The following PPP4R4 variants were observed in gnomAD, a reference collection of about 807,000 sequenced individuals.
The protein encoded by PPP4R4 is serine/threonine-protein phosphatase 4 regulatory subunit 4.
Under a neutral mutation model 121.8 loss-of-function variants are expected in PPP4R4, and 70 were observed. That is an observed-to-expected ratio of 0.57 (90% CI 0.47 to 0.70). The LOEUF is 0.70. Among genes scored for constraint, PPP4R4 ranks in the 30% least tolerant of loss-of-function variants. The pLI, the probability that PPP4R4 is intolerant of heterozygous loss-of-function variation, is 0.00. For missense variants in PPP4R4, 875 were observed against 1,033.6 expected, an observed-to-expected ratio of 0.85 and a Z score of 2.10; for synonymous variants, 348 against 355.7, an observed-to-expected ratio of 0.98 and a Z score of 0.24.
intron 7 of PPP4R4, 56 bp downstream of exon 7, chr14:94,234,725 C>CTGTATTTT (rs1216880649): frequency 1.4e-4 from 172 of 1,234,002 alleles, no homozygotes; most frequent in Non-Finnish European, 1.9e-5. Context: ...CATTGAAAGG[C>CTGTATTTT]TGTATTTGAT....
intron 19 of PPP4R4, among the ~76,000 whole-genome samples, chr14:94,264,121 C>T (rs1893916989): frequency 6.6e-6 from 1 of 151,974 alleles, no homozygotes; most frequent in African/African-American, 2.4e-5. Flanking sequence ...ATTTGTATAC[C>T]TATAATTTGT....
chr14:94,233,050 T>A (rs1892135461), intron 5 of PPP4R4, among the ~76,000 whole-genome samples: 1 of 138,480 alleles, frequency 7.2e-6, no homozygotes, highest in Non-Finnish European at 1.5e-5. Flanking sequence ...AGAGCGAGAC[T>A]CCGTCTCAAA....
At chr14:94,252,042 T>A in intron 16 of PPP4R4, 146 bp downstream of exon 16, 1 of 629,254 alleles carries the variant, frequency 1.6e-6, no homozygotes, top group South Asian at 2.4e-5. Context: ...TCATAATTGA[T>A]GGGCATCAGT....
At chr14:94,259,674 A>G (rs1595536305) in intron 19 of PPP4R4, among the ~76,000 whole-genome samples, 1 of 152,224 alleles carries the variant, frequency 6.6e-6, no homozygotes, top group Non-Finnish European at 1.5e-5. Flanking sequence ...AAACATTTCT[A>G]TTCCTTTAAA....
intron 12 of PPP4R4, among the ~76,000 whole-genome samples, chr14:94,245,382 C>G (rs1892839719): frequency 6.6e-6 from 1 of 152,042 alleles, no homozygotes; most frequent in African/African-American, 2.4e-5. Flanking sequence ...GTACACTAAT[C>G]TCTTTTTGAA....
At chr14:94,276,120 G>A (rs1042102201) in intron 24 of PPP4R4, among the ~76,000 whole-genome samples, 2 of 152,152 alleles carry the variant, frequency 1.3e-5, no homozygotes, top group Non-Finnish European at 2.9e-5. Flanking sequence ...AAATCACCAT[G>A]ATAAGAGACT....
rs1888538181 is a variant in PPP4R4, at chr14:94,174,378, A to C, written c.-88A>C. 11 of 1,186,516 alleles carry C rather than the reference A, an allele frequency of 9.3e-6. No individual in the cohort carries two copies. In the South Asian group the frequency reaches 2.7e-4, roughly 29 times the overall value. The allele number at this position is 1,186,516 out of a possible 1,614,324, so 73.5% of individuals were successfully genotyped here. On this transcript the variant is annotated 5_prime_UTR_variant, in exon 1 of 25. Transcript: ENST00000304338. ...GGCTCCAGCGGCCAAGAGCCGGAGA[A>C]AGTCCTGCTGGTGGGCGGCCGCGGG...
At position 94,245,558 on chromosome 14, in the gene PPP4R4, A is replaced by G. The variant is rs1051466651; in HGVS notation, c.1345-29A>G. The G allele has an allele frequency of 4.8e-6, 6 of 1,259,850 alleles. No individual in the cohort carries two copies. In the East Asian group the frequency reaches 7.3e-5, roughly 15 times the overall value. The allele number at this position is 1,259,850 out of a possible 1,614,324, so 78.0% of individuals were successfully genotyped here. ...ATCTAGCAAAAACATAGTAATCACT[A>G]TAACAGTAATCAATATCTCTGTTAA... On this transcript the variant is annotated intron_variant, in intron 12 of 24. Transcript: ENST00000304338.
intron 3 of PPP4R4, among the ~76,000 whole-genome samples, chr14:94,211,334 A>G (rs1417000035): frequency 1.3e-5 from 2 of 152,162 alleles, no homozygotes; most frequent in African/African-American, 4.8e-5. Flanking sequence ...GAGATAAAGT[A>G]ATATAGTAAC....
At chr14:94,208,081 C>T (rs1212433991) in intron 2 of PPP4R4, among the ~76,000 whole-genome samples, 2 of 151,466 alleles carry the variant, frequency 1.3e-5, no homozygotes, top group African/African-American at 4.9e-5. Flanking sequence ...AATGTTTTAC[C>T]GTAATAAAAT....
intron 1 of PPP4R4, 81 bp downstream of exon 1, chr14:94,174,663 C>T: frequency 6.5e-7 from 1 of 1,541,468 alleles, no homozygotes; most frequent in African/African-American, 1.4e-5. Context: ...CTGCCCCACG[C>T]CACCACCCTC....
chr14:94,223,719 G>A (rs561704520), intron 3 of PPP4R4, among the ~76,000 whole-genome samples: 8 of 152,250 alleles, frequency 5.3e-5, no homozygotes, highest in African/African-American at 1.4e-4. Flanking sequence ...AATTATCCTT[G>A]CCAAGAGGGT....
chr14:94,202,356 A>G (rs906857335), intron 2 of PPP4R4, among the ~76,000 whole-genome samples: 5 of 152,238 alleles, frequency 3.3e-5, no homozygotes, highest in Non-Finnish European at 5.9e-5. Context: ...CTGTTTGTTA[A>G]AAATTACATA....
intron 1 of PPP4R4, among the ~76,000 whole-genome samples, chr14:94,175,266 C>T (rs906341909): frequency 2.0e-5 from 3 of 152,012 alleles, no homozygotes; most frequent in Non-Finnish European, 2.9e-5. Context: ...GTCCTGGTCC[C>T]TGTCTACAAG....
At chr14:94,214,603 A>G (rs1015898688) in intron 3 of PPP4R4, among the ~76,000 whole-genome samples, 8 of 152,150 alleles carry the variant, frequency 5.3e-5, no homozygotes, top group Admixed American at 3.3e-4. Context: ...TGTCTCCTGT[A>G]TATGGGTAGA....
rs776185385 is a variant in PPP4R4, at chr14:94,265,404, C to T, written c.2215C>T (p.Pro739Ser). 2 of 1,612,008 alleles carry T rather than the reference C, an allele frequency of 1.2e-6. No individual in the cohort carries two copies. The highest frequency in any genetic ancestry group is 1.7e-5 in the Admixed American group (1 of 60,008). Residue 739 changes from proline (P) to serine (S), a missense_variant, in exon 21 of 25, where the codon CCA becomes TCA. Transcript: ENST00000304338. Reference protein sequence around the residue: ...FEKKRRDTKTPTQSLPKNIPI... With the variant: ...FEKKRRDTKTSTQSLPKNIPI... ...TATTTTAGGTAGAGACACTAAGACA[C>T]CAACGCAAAGTCTGCCCAAGAACAT...
At chr14:94,188,361 C>T (rs1186392882) in intron 2 of PPP4R4, among the ~76,000 whole-genome samples, 1 of 151,924 alleles carries the variant, frequency 6.6e-6, no homozygotes, top group Non-Finnish European at 1.5e-5. Context: ...AGGATTTTGT[C>T]ATTTATATTA....
At chr14:94,174,636 C>T in intron 1 of PPP4R4, 54 bp downstream of exon 1, 1 of 1,592,926 alleles carries the variant, frequency 6.3e-7, no homozygotes, top group Non-Finnish European at 8.6e-7. Context: ...CTGCCCCGCG[C>T]GGTCCCGCGC....
chr14:94,225,217 G>A (rs1205819945), intron 3 of PPP4R4, among the ~76,000 whole-genome samples: 1 of 152,146 alleles, frequency 6.6e-6, no homozygotes, highest in Admixed American at 6.5e-5. Flanking sequence ...AATTTTTAAA[G>A]CTGAACAAAA....
Sources: gnomAD v4.1 joint callset for allele counts (sites outside exome capture counted in the v4.1 genomes callset) on GRCh38, gnomAD v4.1.1 for gene constraint, MANE v1.5 for transcripts, NCBI Gene and HGNC (gene_info 2026-07-23, HGNC 2026-07-21) for gene names.